Variants in STK32B observed in about 807,000 individuals in gnomAD.
STK32B encodes serine/threonine-protein kinase 32B.
STK32B carries 43 observed loss-of-function variants against 52.6 expected under a neutral mutation model. The observed-to-expected ratio is 0.82, with a 90% CI of 0.64 to 1.05. STK32B has a LOEUF of 1.05. Among genes scored for constraint, STK32B ranks in the 50% least tolerant of loss-of-function variants. The pLI is 0.00. For missense variants in STK32B, 621 were observed against 534.6 expected (o/e 1.16, Z -1.59); for synonymous variants, 238 against 204.3 (o/e 1.17, Z -1.41).
chr4:5,129,200 T>G (rs1236528035), intron 1 of STK32B, among the ~76,000 whole-genome samples: 1 of 152,228 alleles, frequency 6.6e-6, no homozygotes, highest in East Asian at 1.9e-4. Context: ...GGAATTTACT[T>G]TGGAGTCTAG....
chr4:5,330,190 C>T (rs999749529), intron 3 of STK32B, among the ~76,000 whole-genome samples: 3 of 152,198 alleles, frequency 2.0e-5, no homozygotes, highest in Non-Finnish European at 4.4e-5. Flanking sequence ...GGTCTAATAT[C>T]TGAGGATCTA....
chr4:5,459,412 G>A (rs566209573), intron 8 of STK32B, among the ~76,000 whole-genome samples: 1 of 152,172 alleles, frequency 6.6e-6, no homozygotes, highest in Non-Finnish European at 1.5e-5. Context: ...TGAGCCCAGG[G>A]CACCCAGCAG....
At chr4:5,342,307 C>T (rs915771748) in intron 4 of STK32B, among the ~76,000 whole-genome samples, 1 of 152,152 alleles carries the variant, frequency 6.6e-6, no homozygotes, top group Non-Finnish European at 1.5e-5. Flanking sequence ...ACCCAAATAT[C>T]CATCAATGGT....
the STK32B span, among the ~76,000 whole-genome samples, chr4:5,046,209 C>T: frequency 6.6e-6 from 1 of 152,110 alleles, no homozygotes; most frequent in Non-Finnish European, 1.5e-5. Flanking sequence ...AGAAATAACA[C>T]CACACATCTA....
intron 11 of STK32B, among the ~76,000 whole-genome samples, chr4:5,490,557 C>CT (rs1031996874): frequency 1.9e-4 from 29 of 150,800 alleles, no homozygotes; most frequent in South Asian, 4.2e-4. Context: ...AGAGCCTCGT[C>CT]TTTTTTTTTA....
At chr4:5,438,113 T>C in intron 6 of STK32B, 1 of 985,534 alleles carries the variant, frequency 1.0e-6, no homozygotes. Flanking sequence ...CACACAGCCA[T>C]TCTGCACTGC....
chr4:5,459,290 C>CG (rs1279442805), intron 8 of STK32B, among the ~76,000 whole-genome samples: 1 of 149,812 alleles, frequency 6.7e-6, no homozygotes, highest in African/African-American at 2.5e-5. Flanking sequence ...GTGCCCCCCC[C>CG]CCCCACCTTT....
intron 3 of STK32B, among the ~76,000 whole-genome samples, chr4:5,210,192 G>A (rs552816542): frequency 3.3e-5 from 5 of 152,196 alleles, no homozygotes; most frequent in Non-Finnish European, 5.9e-5. Flanking sequence ...GCCTGTGTGT[G>A]CTACATGTCC....
intron 6 of STK32B, among the ~76,000 whole-genome samples, chr4:5,422,810 G>T (rs954993288): frequency 3.3e-5 from 5 of 152,148 alleles, no homozygotes; most frequent in Non-Finnish European, 7.3e-5. Flanking sequence ...GCATGAAGAG[G>T]GGGAGATGAG....
intron 3 of STK32B, among the ~76,000 whole-genome samples, chr4:5,310,831 T>C (rs1730247222): frequency 6.6e-6 from 1 of 152,210 alleles, no homozygotes; most frequent in African/African-American, 2.4e-5. Flanking sequence ...AAATGTGGTA[T>C]ATGTACATGA....
chr4:5,285,296 C>G (rs1439458029), intron 3 of STK32B, among the ~76,000 whole-genome samples: 2 of 151,810 alleles, frequency 1.3e-5, no homozygotes, highest in East Asian at 3.9e-4. Flanking sequence ...GCCTTTAATC[C>G]CCATGTTGTT....
intron 4 of STK32B, among the ~76,000 whole-genome samples, chr4:5,342,067 TG>T (rs1296102152): frequency 3.3e-5 from 5 of 151,782 alleles, no homozygotes; most frequent in Non-Finnish European, 5.9e-5. Context: ...GGAGAGGATG[TG>T]GAGATATAGG....
intron 2 of STK32B, among the ~76,000 whole-genome samples, chr4:5,145,933 T>C (rs1716874801): frequency 6.6e-6 from 1 of 152,218 alleles, no homozygotes; most frequent in Non-Finnish European, 1.5e-5. Flanking sequence ...ACATACTCAA[T>C]TCACAGAGAT....
At chr4:5,173,328 T>C (rs1719551594) in intron 3 of STK32B, among the ~76,000 whole-genome samples, 1 of 152,176 alleles carries the variant, frequency 6.6e-6, no homozygotes, top group African/African-American at 2.4e-5. Context: ...ATCTTAGTTA[T>C]TTCTTGCCTT....
intron 3 of STK32B, among the ~76,000 whole-genome samples, chr4:5,233,614 G>A (rs900417385): frequency 5.3e-5 from 8 of 151,664 alleles, no homozygotes; most frequent in African/African-American, 1.9e-4. Context: ...ATTCCAAAGT[G>A]TAGCCAAGGT....
intron 5 of STK32B, among the ~76,000 whole-genome samples, chr4:5,405,034 G>A (rs2109055188): frequency 6.6e-6 from 1 of 151,560 alleles, no homozygotes; most frequent in South Asian, 2.1e-4. Flanking sequence ...ACCTGGCTAA[G>A]TTTTTGTATT....
intron 3 of STK32B, among the ~76,000 whole-genome samples, chr4:5,231,222 G>C (rs1054555967): frequency 1.3e-5 from 2 of 152,148 alleles, no homozygotes; most frequent in African/African-American, 4.8e-5. Context: ...GGAAGAGATC[G>C]TACATGTCTT....
At chr4:5,488,365 A>C (rs1198806353) in intron 11 of STK32B, among the ~76,000 whole-genome samples, 1 of 152,230 alleles carries the variant, frequency 6.6e-6, no homozygotes, top group Non-Finnish European at 1.5e-5. Context: ...TGGAATCCAG[A>C]ATTAACAAAC....
chr4:5,407,597 A>G lies in STK32B; in HGVS notation c.473-9248A>G, dbSNP rs1038368327. 7.2e-5 allele frequency among the ~76,000 whole-genome samples: 11 copies of G among 151,904 alleles called. 1 individual carries two copies. Among genetic ancestry groups the G allele is most frequent in the African/African-American group, 2.4e-4 (10 of 41,348 alleles). ...GTGAGGCCTCAGGGAACTTATAATC[A>G]TGGCGGAAGGTGAAGGGGAAGTAAG... On this transcript the variant is annotated intron_variant, in intron 5 of 11. Transcript: ENST00000282908.
Sources: gnomAD v4.1 joint callset for allele counts (sites outside exome capture counted in the v4.1 genomes callset) on GRCh38, gnomAD v4.1.1 for gene constraint, MANE v1.5 for transcripts, NCBI Gene and HGNC (gene_info 2026-07-23, HGNC 2026-07-21) for gene names.